Variants in TUBA4B observed in about 807,000 individuals in gnomAD.
TUBA4B encodes the protein tubulin-like protein alpha-4B.
A neutral mutation model predicts 18.4 loss-of-function variants in TUBA4B; 13 were observed. That is an observed-to-expected ratio of 0.71 (90% CI 0.46 to 1.12). TUBA4B has a LOEUF of 1.12. Ranked by LOEUF, TUBA4B falls within the 50% of genes most tolerant of loss-of-function variation. The pLI is 0.00. For synonymous variants in TUBA4B, 101 were observed against 99.1 expected (o/e 1.02, Z -0.11); for missense variants, 244 against 250.0 (o/e 0.98, Z 0.16).
At chr2:219,262,565 T>A (rs939720061) in intron 1 of TUBA4B, among the ~76,000 whole-genome samples, 2 of 152,150 alleles carry the variant, frequency 1.3e-5, no homozygotes, top group Non-Finnish European at 2.9e-5. Context: ...GGAGTGCAAG[T>A]GGCATGATCA....
At chr2:219,271,022 C>T (rs949923841) in intron 3 of TUBA4B, 144 bp from the exon 4 acceptor site, 11 of 602,478 alleles carry the variant, frequency 1.8e-5, no homozygotes, top group Admixed American at 5.9e-5. Flanking sequence ...TGGACCCACT[C>T]TATGAGGATC....
chr2:219,260,690 T>C (rs1436041280), intron 1 of TUBA4B, among the ~76,000 whole-genome samples: 2 of 152,148 alleles, frequency 1.3e-5, no homozygotes, highest in African/African-American at 4.8e-5. Context: ...AATCTTAGGA[T>C]TGGCCGGGCA....
intron 2 of TUBA4B, among the ~76,000 whole-genome samples, chr2:219,269,637 T>C (rs962496435): frequency 6.6e-6 from 1 of 152,156 alleles, no homozygotes; most frequent in Non-Finnish European, 1.5e-5. Context: ...TGTGAGTGCA[T>C]CTCAGTCCAC....
intron 1 of TUBA4B, chr2:219,253,843 G>C: frequency 6.6e-7 from 1 of 1,507,866 alleles, no homozygotes; most frequent in African/African-American, 1.4e-5. Flanking sequence ...GACCCCGGCC[G>C]GGCCGCACTC....
chr2:219,255,796 C>T lies in TUBA4B; in HGVS notation c.12+2377C>T, dbSNP rs1951714907. Among the ~76,000 whole-genome samples, 3 of 152,250 alleles carry T rather than the reference C, an allele frequency of 2.0e-5. No individual in the cohort carries two copies. The South Asian group carries it at 6.2e-4, about 32-fold the overall frequency. Reference sequence around the variant, plus strand: ...CTACATCACTTGGAAAGGATTCACCCCTCCCTCCCCCATCACCTGACAACA... The same window carrying T: ...CTACATCACTTGGAAAGGATTCACCTCTCCCTCCCCCATCACCTGACAACA... On this transcript the variant is annotated intron_variant, in intron 1 of 3. Transcript: ENST00000490341.
intron 3 of TUBA4B, 68 bp downstream of exon 3, chr2:219,270,403 C>A (rs1951818423): frequency 1.4e-6 from 1 of 691,870 alleles, no homozygotes; most frequent in Non-Finnish European, 2.6e-6. Context: ...GTAGTCTGGA[C>A]ACCAGATTGG....
rs767944412 is a variant in TUBA4B, at chr2:219,271,787, C to T, written c.*88C>T. 8 of 1,608,174 alleles carry T rather than the reference C, an allele frequency of 5.0e-6. No individual in the cohort carries two copies. Among genetic ancestry groups the T allele is most frequent in the African/African-American group, 4.0e-5 (3 of 74,816 alleles). On this transcript the variant is annotated 3_prime_UTR_variant, in exon 4 of 4. Coordinates refer to ENST00000490341, the MANE Select transcript of TUBA4B (RefSeq NM_001355221.1). The stretch of plus-strand genomic sequence containing the variant: ...CCCAAGGATGTCAACGCTGCCATTG[C>T]TGCCATCAAGACCAAGTGCAGCATT...
intron 1 of TUBA4B, among the ~76,000 whole-genome samples, chr2:219,263,500 G>A (rs1481137105): frequency 4.6e-5 from 7 of 152,310 alleles, no homozygotes; most frequent in Middle Eastern, 3.4e-3. Flanking sequence ...ACTGCCATTA[G>A]GATAGTTTTC....
intron 1 of TUBA4B, among the ~76,000 whole-genome samples, chr2:219,264,173 C>T (rs12477209): frequency 0.072 from 10,933 of 152,212 alleles, 979 homozygotes; most frequent in African/African-American, 0.21. Context: ...TTAAGAACAA[C>T]AATAGGCCAG....
rs1003228287 is a variant in TUBA4B, at chr2:219,266,579, G to A, written c.58+13G>A. ...TCCAGGCAGCATGGTGAGTAGAAGG[G>A]GCCTTGGGGGGACTGAGCATGCAAG... On this transcript the variant is annotated intron_variant, in intron 2 of 3. Coordinates refer to ENST00000490341, the MANE Select transcript of TUBA4B (RefSeq NM_001355221.1). The A allele has an allele frequency of 4.3e-6, 3 of 702,834 alleles. No homozygotes were observed. The highest frequency in any genetic ancestry group is 5.2e-6 in the Non-Finnish European group (2 of 384,970). The allele number at this position is 702,834 out of a possible 1,614,324, so 43.5% of individuals were successfully genotyped here. A position where few individuals can be genotyped will look rare whatever the true frequency, so the allele number is the denominator to read the frequency against.
rs746239190 is a variant in TUBA4B at position 219,271,314 on chromosome 2, C to A, written c.341C>A (p.Pro114His). ...SKLGFSIYPA[P>H]QVSTAMVQPY... is the part of the protein sequence containing the mutation. ...CTGGGATTCTCCATCTACCCAGCCC[C>A]CCAGGTGTCTACAGCCATGGTCCAG... The change falls in exon 4 of 4, where the codon CCC becomes CAC. Residue 114 changes from proline (P) to histidine (H), a missense_variant. Transcript: ENST00000490341. 9 of 1,598,952 alleles carry A rather than the reference C, an allele frequency of 5.6e-6. No homozygotes were observed. In the Admixed American group the frequency reaches 1.5e-4, roughly 27 times the overall value.
At chr2:219,268,547 G>A (rs1406892581) in intron 2 of TUBA4B, among the ~76,000 whole-genome samples, 1 of 152,148 alleles carries the variant, frequency 6.6e-6, no homozygotes, top group Non-Finnish European at 1.5e-5. Context: ...AGTTTTTCTA[G>A]GAGGGGCTCT....
chr2:219,264,156 T>C lies in TUBA4B; in HGVS notation c.13-2365T>C, dbSNP rs1171215885. Among the ~76,000 whole-genome samples the C allele has an allele frequency of 2.0e-5, 3 of 152,118 alleles. No homozygotes were observed. In the East Asian group the frequency reaches 5.8e-4, roughly 29 times the overall value. On this transcript the variant is annotated intron_variant, in intron 1 of 3. Coordinates refer to ENST00000490341, the MANE Select transcript of TUBA4B (RefSeq NM_001355221.1). ...AGTTTAATTCATAAATTAGGCACAG[T>C]AAGAGGTTAAGAACAACAATAGGCC...
Position 219,271,793 on chromosome 2 carries a change from T to G in TUBA4B, c.*94T>G. On this transcript the variant is annotated 3_prime_UTR_variant, in exon 4 of 4. Coordinates refer to ENST00000490341, the MANE Select transcript of TUBA4B (RefSeq NM_001355221.1). ...GATGTCAACGCTGCCATTGCTGCCA[T>G]CAAGACCAAGTGCAGCATTCAGTTT... 6.2e-7 allele frequency: 1 copy of G among 1,606,934 alleles called. No homozygotes were observed. The highest frequency in any genetic ancestry group is 8.5e-7 in the Non-Finnish European group (1 of 1,173,396).
intron 1 of TUBA4B, among the ~76,000 whole-genome samples, chr2:219,265,915 A>T (rs1434535282): frequency 6.6e-6 from 1 of 152,204 alleles, no homozygotes; most frequent in African/African-American, 2.4e-5. Context: ...ACCTCTCCCC[A>T]TTCTCCAGAG....
intron 2 of TUBA4B, among the ~76,000 whole-genome samples, chr2:219,268,095 A>T (rs188962961): frequency 1.9e-4 from 28 of 146,716 alleles, no homozygotes; most frequent in African/African-American, 6.9e-4. Context: ...GTCTCAGCTC[A>T]ACTCATTATC....
At chr2:219,259,908 A>ACT (rs1179897964) in intron 1 of TUBA4B, among the ~76,000 whole-genome samples, 1 of 151,168 alleles carries the variant, frequency 6.6e-6, no homozygotes, top group African/African-American at 2.4e-5. Context: ...ACCCCTCAAT[A>ACT]CTCTCCCTGC....
In TUBA4B at chr2:219,259,124, T is replaced by TAATA. The variant is rs58291199; in HGVS notation, c.12+5749_12+5752dup. On this transcript the variant is annotated intron_variant, in intron 1 of 3. Transcript: ENST00000490341. ...GGTGAAACCTCGTCTCTACTAAAAA[T>TAATA]AATAAATAAATAAATAAATAAATAA... Among the ~76,000 whole-genome samples, 803 of 134,414 alleles carry TAATA rather than the reference T, an allele frequency of 6.0e-3. 2 individuals carry two copies. Among genetic ancestry groups the TAATA allele is most frequent in the East Asian group, 0.015 (71 of 4,764 alleles). 88.2% of individuals were successfully genotyped at this position (134,414 alleles called of 152,430 possible). A position where few individuals can be genotyped will look rare whatever the true frequency, so the allele number is the denominator to read the frequency against.
In TUBA4B at chr2:219,266,551, C is replaced by T. The variant is rs1251635706; in HGVS notation, c.43C>T (p.Leu15=). 1 of 702,916 alleles carries T rather than the reference C, an allele frequency of 1.4e-6. No individual in the cohort carries two copies. The highest frequency in any genetic ancestry group is 1.7e-5 in the African/African-American group (1 of 57,272). 43.5% of individuals were successfully genotyped at this position (702,916 alleles called of 1,614,324 possible). Reference sequence around the variant, plus strand: ...AGAGAGACAAGACCCCAGCCAGCCCCTGTCCAGGCAGCATGGTGAGTAGAA... The same window carrying T: ...AGAGAGACAAGACCCCAGCCAGCCCTTGTCCAGGCAGCATGGTGAGTAGAA... ...QTERQDPSQP[L]SRQHGTYRQI... is the part of the protein sequence containing the mutation. The change falls in exon 2 of 4, where the codon CTG becomes TTG. Residue 15 remains leucine, a synonymous_variant. Coordinates refer to ENST00000490341, the MANE Select transcript of TUBA4B (RefSeq NM_001355221.1).
Sources: allele counts gnomAD v4.1 joint callset (sites outside exome capture counted in the v4.1 genomes callset), GRCh38; gene constraint gnomAD v4.1.1; transcripts MANE v1.5; gene names NCBI Gene and HGNC (gene_info 2026-07-23, HGNC 2026-07-21).